ATXN10: variants seen among roughly 807,000 people sequenced by gnomAD.
ATXN10 encodes ataxin 10.
ATXN10 carries 28 observed loss-of-function variants against 52.9 expected under a neutral mutation model. The ratio of observed to expected loss-of-function variants is 0.53; its 90% CI spans 0.39 to 0.73. ATXN10 has a LOEUF of 0.73. Ranked by LOEUF, ATXN10 falls within the 30% of genes least tolerant of loss-of-function variation. The pLI is 0.00. For synonymous variants in ATXN10, 226 were observed against 221.5 expected, an observed-to-expected ratio of 1.02 and a Z score of -0.18; for missense variants, 565 against 577.0, an observed-to-expected ratio of 0.98 and a Z score of 0.21.
At chr22:45,745,098 C>G (rs770959730) in intron 9 of ATXN10, among the ~76,000 whole-genome samples, 1 of 152,178 alleles carries the variant, frequency 6.6e-6, no homozygotes, top group Non-Finnish European at 1.5e-5. Flanking sequence ...AATGGAGATT[C>G]TGTTTTGGTT....
At position 45,754,959 on chromosome 22, in the gene ATXN10, G is replaced by A. The variant is rs2146821999; in HGVS notation, c.1173+14421G>A. Among the ~76,000 whole-genome samples, 1 of 152,334 alleles carries A rather than the reference G, an allele frequency of 6.6e-6. No homozygotes were observed. Among genetic ancestry groups the A allele is most frequent in the South Asian group, 2.1e-4 (1 of 4,830 alleles). On this transcript the variant is annotated intron_variant, in intron 9 of 11. Coordinates refer to ENST00000252934, the MANE Select transcript of ATXN10 (RefSeq NM_013236.4). The surrounding 1 kb of genome is among the most constrained non-coding windows in gnomAD (Gnocchi z 5.4). Reference sequence around the variant, plus strand: ...TGAGGTCCATGCCTGTTCCTTCTCTGCCTGTGAGCTGCGAGACCGTCCCTC... The same window carrying A: ...TGAGGTCCATGCCTGTTCCTTCTCTACCTGTGAGCTGCGAGACCGTCCCTC...
chr22:45,685,203 T>A (rs1490667985), intron 1 of ATXN10, among the ~76,000 whole-genome samples: 2 of 152,100 alleles, frequency 1.3e-5, no homozygotes, highest in Non-Finnish European at 2.9e-5. Flanking sequence ...TCACAGGTAG[T>A]TTTCTTTAAT....
rs769663374 is a variant in ATXN10 at position 45,672,084 on chromosome 22, G to T, written c.21G>T (p.Pro7=). Residue 7 remains proline, a synonymous_variant, in exon 1 of 12, where the codon CCG becomes CCT. Coordinates refer to ENST00000252934, the MANE Select transcript of ATXN10 (RefSeq NM_013236.4). ...GCAAGATGGCGGCGCCCAGGCCGCCGCCTGCCAGGCTGTCGGGCGTCATGG... is the reference window on the plus strand; with the variant it reads ...GCAAGATGGCGGCGCCCAGGCCGCCTCCTGCCAGGCTGTCGGGCGTCATGG... The part of the protein sequence containing the change: MAAPRP[P]PARLSGVMVP... 1 of 1,538,020 alleles carries T rather than the reference G, an allele frequency of 6.5e-7. No homozygotes were observed. The highest frequency in any genetic ancestry group is 1.2e-5 in the South Asian group (1 of 83,884).
intron 5 of ATXN10, among the ~76,000 whole-genome samples, chr22:45,704,296 A>G (rs1923953835): frequency 6.6e-6 from 1 of 150,592 alleles, no homozygotes; most frequent in Admixed American, 6.6e-5. Context: ...TTTAGGATCA[A>G]CTTTTCAATT....
intron 9 of ATXN10, among the ~76,000 whole-genome samples, chr22:45,751,753 AAT>A (rs768125211): frequency 2.1e-5 from 2 of 96,400 alleles, no homozygotes; most frequent in African/African-American, 6.7e-5. Flanking sequence ...AAAAAAAAAA[AAT>A]AAAAAAAAAA....
chr22:45,691,892 CA>C (rs537963923), intron 2 of ATXN10, among the ~76,000 whole-genome samples: 15 of 146,636 alleles, frequency 1.0e-4, no homozygotes, highest in East Asian at 7.9e-4. Flanking sequence ...GACTCCGTCT[CA>C]AAAAAAAAAA....
intron 5 of ATXN10, among the ~76,000 whole-genome samples, chr22:45,716,338 T>C (rs1477833451): frequency 6.6e-6 from 1 of 151,176 alleles, no homozygotes; most frequent in Non-Finnish European, 1.5e-5. Flanking sequence ...TTTTTTTTTT[T>C]TTTTTGGAGA....
rs67341464 is a variant in ATXN10 at position 45,767,436 on chromosome 22, TACACAC to T, written c.1173+26911_1173+26916del. Among the ~76,000 whole-genome samples the T allele has an allele frequency of 2.2e-4, 33 of 149,736 alleles. 1 individual carries two copies. Among genetic ancestry groups the T allele is most frequent in the Admixed American group, 7.3e-4 (11 of 15,008 alleles). On this transcript the variant is annotated intron_variant, in intron 9 of 11. Transcript: ENST00000252934. ...ATACACATATGTATATAAATATACA[TACACAC>T]ACACACACACACCACACATTTTTTC... is the stretch of plus-strand genomic sequence containing the variant.
At chr22:45,694,960 A>C (rs927068219) in intron 3 of ATXN10, among the ~76,000 whole-genome samples, 5 of 150,534 alleles carry the variant, frequency 3.3e-5, no homozygotes, top group East Asian at 3.9e-4. Context: ...AAAAAAAAAA[A>C]AAAAAACAAA....
At chr22:45,743,527 G>A (rs1465799184) in intron 9 of ATXN10, among the ~76,000 whole-genome samples, 2 of 152,128 alleles carry the variant, frequency 1.3e-5, no homozygotes, top group Admixed American at 6.5e-5. Context: ...CTTTATCACG[G>A]GACCAGTAAT....
At chr22:45,807,254 A>T (rs1238679358) in intron 10 of ATXN10, 9 of 620,636 alleles carry the variant, frequency 1.5e-5, no homozygotes, top group Non-Finnish European at 2.6e-5. Flanking sequence ...CCAAATGAGC[A>T]TGTGGCCAAA....
chr22:45,734,046 C>G (rs1307134102), intron 7 of ATXN10, among the ~76,000 whole-genome samples: 1 of 151,932 alleles, frequency 6.6e-6, no homozygotes, highest in Admixed American at 6.6e-5. Flanking sequence ...CATTTGTTCC[C>G]TATAGACTTT....
At chr22:45,713,915 C>T (rs545166114) in intron 5 of ATXN10, among the ~76,000 whole-genome samples, 31 of 152,168 alleles carry the variant, frequency 2.0e-4, no homozygotes, top group African/African-American at 7.2e-4. Flanking sequence ...TGATTGTTTC[C>T]GTTTTTTCAC....
chr22:45,838,942 G>A (rs896564031), intron 10 of ATXN10, among the ~76,000 whole-genome samples: 29 of 152,318 alleles, frequency 1.9e-4, no homozygotes, highest in Non-Finnish European at 3.2e-4. Context: ...TTTACAGATA[G>A]ACAACACAAA....
Position 45,816,144 on chromosome 22 carries a change from T to G in ATXN10, c.1237+9122T>G, listed in dbSNP as rs1290018096. 2.0e-5 allele frequency among the ~76,000 whole-genome samples: 3 copies of G among 152,052 alleles called. No individual in the cohort carries two copies. The highest frequency in any genetic ancestry group is 7.2e-5 in the African/African-American group (3 of 41,386). Reference sequence around the variant, plus strand: ...GGCACGCACCCTTAGTCCCAGCTACTCGGGAGGCTGAGGCAGGAGAATCGC... The same window carrying G: ...GGCACGCACCCTTAGTCCCAGCTACGCGGGAGGCTGAGGCAGGAGAATCGC... On this transcript the variant is annotated intron_variant, in intron 10 of 11. Transcript: ENST00000252934. The surrounding 1 kb of genome is among the most constrained non-coding windows in gnomAD (Gnocchi z 5.8).
In ATXN10 at chr22:45,690,012, C is replaced by T. The variant is rs1271957568; in HGVS notation, c.308+109C>T. On this transcript the variant is annotated intron_variant, in intron 2 of 11. Coordinates refer to ENST00000252934, the MANE Select transcript of ATXN10 (RefSeq NM_013236.4). This position sits in a 1 kb window ranked among gnomAD's most constrained non-coding sequence, Gnocchi z 4.5. ...TTTGGGCTGGGTAAGGTGGCTCATG[C>T]CTGTAATCCCAGCATTTTGGGAGGC... 1.8e-5 allele frequency: 20 copies of T among 1,128,968 alleles called. No homozygotes were observed. Among genetic ancestry groups the T allele is most frequent in the Non-Finnish European group, 2.5e-5 (19 of 766,866 alleles). The allele number at this position is 1,128,968 out of a possible 1,614,324, so 69.9% of individuals were successfully genotyped here.
Position 45,819,646 on chromosome 22 carries a change from C to T in ATXN10, c.1237+12624C>T, listed in dbSNP as rs1486158175. On this transcript the variant is annotated intron_variant, in intron 10 of 11. Transcript: ENST00000252934. This position sits in a 1 kb window ranked among gnomAD's most constrained non-coding sequence, Gnocchi z 4.5. ...GGATTGAGACTGGAGGGAAGTGTGA[C>T]TGCCTGTGCATGAAGTGCTGAGATG... Among the ~76,000 whole-genome samples the T allele has an allele frequency of 6.6e-6, 1 of 152,204 alleles. No homozygotes were observed. Among genetic ancestry groups the T allele is most frequent in the Non-Finnish European group, 1.5e-5 (1 of 68,036 alleles).
rs1238560159 is a variant in ATXN10 at position 45,844,036 on chromosome 22, A to G, written c.*365A>G. Reference sequence around the variant, plus strand: ...TGTTTGTCCCTTCAGATGGCAAGTCAGCATCATTCTTTATATTCCTCTTCT... The same window carrying G: ...TGTTTGTCCCTTCAGATGGCAAGTCGGCATCATTCTTTATATTCCTCTTCT... On this transcript the variant is annotated 3_prime_UTR_variant, in exon 12 of 12. Transcript: ENST00000252934. 1 of 265,852 alleles carries G rather than the reference A, an allele frequency of 3.8e-6. No individual in the cohort carries two copies. Among genetic ancestry groups the G allele is most frequent in the Non-Finnish European group, 7.2e-6 (1 of 139,446 alleles). 16.5% of individuals were successfully genotyped at this position (265,852 alleles called of 1,614,324 possible). A position where few individuals can be genotyped will look rare whatever the true frequency, so the allele number is the denominator to read the frequency against.
At chr22:45,694,951 A>C (rs866920385) in intron 3 of ATXN10, among the ~76,000 whole-genome samples, 4,160 of 149,916 alleles carry the variant, frequency 0.028, 168 homozygotes, top group Non-Finnish European at 0.039. Context: ...AAAAAAAAAA[A>C]AAAAAAAAAA....
Sources: allele counts gnomAD v4.1 joint callset (sites outside exome capture counted in the v4.1 genomes callset), GRCh38; gene constraint gnomAD v4.1.1; non-coding constraint Gnocchi (gnomAD v3.1); transcripts MANE v1.5; gene names NCBI Gene and HGNC (gene_info 2026-07-23, HGNC 2026-07-21).